WDR47: variants seen among roughly 807,000 people sequenced by gnomAD.
The protein encoded by WDR47 is WD repeat domain 47.
WDR47 carries 32 observed loss-of-function variants against 97.2 expected under a neutral mutation model. That is an observed-to-expected ratio of 0.33 (90% CI 0.25 to 0.44). The LOEUF (loss-of-function observed/expected upper bound fraction) is 0.44, where lower values mean the gene tolerates loss of function less well. Ranked by LOEUF, WDR47 falls within the 20% of genes least tolerant of loss-of-function variation. WDR47 has a pLI of 1.00. For missense variants in WDR47, 782 were observed against 1,102.3 expected (o/e 0.71, Z 4.11); for synonymous variants, 375 against 373.5 (o/e 1.00, Z -0.05).
chr1:109,000,754 T>C (rs573528815), intron 7 of WDR47, among the ~76,000 whole-genome samples: 1 of 152,128 alleles, frequency 6.6e-6, no homozygotes, highest in South Asian at 2.1e-4. Flanking sequence ...ACAGGATCAA[T>C]TTCAGGCTCA....
intron 1 of WDR47, among the ~76,000 whole-genome samples, chr1:109,041,056 G>T (rs1383023182): frequency 2.0e-5 from 3 of 149,932 alleles, no homozygotes; most frequent in African/African-American, 7.3e-5. Flanking sequence ...GTTACTAACT[G>T]CACGTCTGGG....
chr1:109,011,836 G>A (rs1661055058), intron 4 of WDR47, 118 bp from the exon 5 acceptor site: 1 of 946,958 alleles, frequency 1.1e-6, no homozygotes. Flanking sequence ...ATAATTTGTA[G>A]GATATGCAAC....
chr1:109,018,578 G>A (rs981961697), intron 2 of WDR47, among the ~76,000 whole-genome samples: 18 of 152,120 alleles, frequency 1.2e-4, no homozygotes, highest in African/African-American at 4.3e-4. Context: ...ACTTTAGGAA[G>A]CTAAGGTAAG....
intron 3 of WDR47, among the ~76,000 whole-genome samples, chr1:109,015,734 T>A (rs1661366167): frequency 6.7e-6 from 1 of 148,972 alleles, no homozygotes; most frequent in Admixed American, 6.7e-5. Context: ...AAGCCTGTAA[T>A]CCCAGCACTT....
chr1:108,976,861 AAAGT>A (rs1447691087), intron 13 of WDR47, among the ~76,000 whole-genome samples: 1 of 152,194 alleles, frequency 6.6e-6, no homozygotes, highest in African/African-American at 2.4e-5. Context: ...TGAAAAGAAA[AAAGT>A]AAGTGATCTG....
chr1:109,007,349 C>A (rs1660704855), intron 5 of WDR47, among the ~76,000 whole-genome samples: 1 of 150,732 alleles, frequency 6.6e-6, no homozygotes, highest in South Asian at 2.1e-4. Context: ...TAAATAGAGA[C>A]AGGGTCTCAC....
Position 108,971,063 on chromosome 1 carries a change from AT to A in WDR47, c.*366del, listed in dbSNP as rs1657415071. On this transcript the variant is annotated 3_prime_UTR_variant, in exon 15 of 15. Coordinates refer to ENST00000369962, the MANE Select transcript of WDR47 (RefSeq NM_001142551.2). ...CATTTAATAATATAGTTGAAGTATA[AT>A]TCCATTTCAATGTGCATATAAAACT... 1 of 169,966 alleles carries A rather than the reference AT, an allele frequency of 5.9e-6. No individual in the cohort carries two copies. Among genetic ancestry groups the A allele is most frequent in the Non-Finnish European group, 1.3e-5 (1 of 79,340 alleles). 10.5% of individuals were successfully genotyped at this position (169,966 alleles called of 1,614,324 possible).
intron 2 of WDR47, among the ~76,000 whole-genome samples, chr1:109,019,657 G>A (rs1353972105): frequency 6.6e-6 from 1 of 152,168 alleles, no homozygotes; most frequent in Non-Finnish European, 1.5e-5. Flanking sequence ...TGGCCCAGAT[G>A]CTAGCAGTGC....
chr1:109,017,627 G>A lies in WDR47; in HGVS notation c.159-26C>T, dbSNP rs201808429. ...CTAAATAAAAAATTTAAAAAAACCA[G>A]CATGTCACCAAATTCAGGTTATACT... On this transcript the variant is annotated intron_variant, in intron 2 of 14. Transcript: ENST00000369962. 1.9e-6 allele frequency: 3 copies of A among 1,579,904 alleles called. No individual in the cohort carries two copies. In the East Asian group the frequency reaches 6.7e-5, roughly 35 times the overall value.
At chr1:109,040,492 T>C (rs991099313) in intron 1 of WDR47, among the ~76,000 whole-genome samples, 1 of 147,552 alleles carries the variant, frequency 6.8e-6, no homozygotes. Context: ...CAGTGGGAGA[T>C]AAACACAGGT....
intron 5 of WDR47, among the ~76,000 whole-genome samples, chr1:109,009,350 C>T (rs1660866551): frequency 6.6e-6 from 1 of 152,070 alleles, no homozygotes; most frequent in South Asian, 2.1e-4. Context: ...AACTGTTGAT[C>T]AGGAGTTTAT....
rs1303440920 is a variant in WDR47, at chr1:109,002,136, CA to C, written c.1433+87del. 2.2e-6 allele frequency: 3 copies of C among 1,391,294 alleles called. No individual in the cohort carries two copies. The Admixed American group carries it at 7.5e-5, about 35-fold the overall frequency. The allele number at this position is 1,391,294 out of a possible 1,614,324, so 86.2% of individuals were successfully genotyped here. Reference sequence around the variant, plus strand: ...AAATGCGTAAAAAGCCTTAAAATGTCAAACTATACATAGAAAGTAGCAGTTA... The same window carrying C: ...AAATGCGTAAAAAGCCTTAAAATGTCAACTATACATAGAAAGTAGCAGTTA... On this transcript the variant is annotated intron_variant, in intron 7 of 14. Coordinates refer to ENST00000369962, the MANE Select transcript of WDR47 (RefSeq NM_001142551.2).
chr1:108,981,855 A>G lies in WDR47; in HGVS notation c.2276T>C (p.Leu759Ser), dbSNP rs1658368323. 6.2e-7 allele frequency: 1 copy of G among 1,612,642 alleles called. No homozygotes were observed. Among genetic ancestry groups the G allele is most frequent in the Non-Finnish European group, 8.5e-7 (1 of 1,179,352 alleles). ...HALSGHTGHI[L>S]ALYTWSGWMI... ...CCAGCCACTCCAGGTATAAAGTGCT[A>G]AAATATGCCCTATAAAAGATCATAT... The change falls in exon 13 of 15, where the codon TTA (leucine) becomes TCA (serine). Residue 759 changes from leucine to serine, a missense_variant. By Grantham distance (145) the Leu-to-Ser change is moderately radical (BLOSUM62 -2). Transcript: ENST00000369962.
intron 7 of WDR47, among the ~76,000 whole-genome samples, chr1:108,997,625 T>TG (rs1447542850): frequency 6.7e-6 from 1 of 149,894 alleles, no homozygotes; most frequent in African/African-American, 2.5e-5. Flanking sequence ...CCAGGCGTGG[T>TG]GGTGGGCGCC....
intron 6 of WDR47, among the ~76,000 whole-genome samples, chr1:109,003,881 A>G (rs1660386351): frequency 6.6e-6 from 1 of 152,184 alleles, no homozygotes; most frequent in Admixed American, 6.6e-5. Context: ...AGAACCCTGG[A>G]TTTGGATAAA....
intron 2 of WDR47, among the ~76,000 whole-genome samples, chr1:109,019,700 TTCTATGTGAAA>T (rs1661681659): frequency 6.6e-6 from 1 of 152,026 alleles, no homozygotes; most frequent in South Asian, 2.1e-4. Flanking sequence ...ACATTGTGAA[TTCTATGTGAAA>T]TCTACAGCTT....
At chr1:108,983,571 TA>T (rs1658515516) in intron 10 of WDR47, 120 bp from the exon 11 acceptor site, 1 of 803,614 alleles carries the variant, frequency 1.2e-6, no homozygotes, top group Non-Finnish European at 1.7e-6. Flanking sequence ...AACAGCTTAT[TA>T]ATAGTTTTCA....
chr1:108,982,694 T>C lies in WDR47; in HGVS notation c.2181A>G (p.Leu727=). ...MEGPESGGAI[L]ISAGAGDCNI... Reference sequence around the variant, plus strand: ...TACAATCCCCTGCTCCAGCACTTATTAAAATAGCTCCTCCGCTTTCTGGGC... The same window carrying C: ...TACAATCCCCTGCTCCAGCACTTATCAAAATAGCTCCTCCGCTTTCTGGGC... The change falls in exon 12 of 15, where the codon TTA becomes TTG. Residue 727 remains leucine (L), a synonymous_variant. Transcript: ENST00000369962. 1.9e-6 allele frequency: 3 copies of C among 1,614,156 alleles called. No individual in the cohort carries two copies. The highest frequency in any genetic ancestry group is 2.5e-6 in the Non-Finnish European group (3 of 1,180,016).
chr1:109,022,144 A>G (rs1226782308), intron 2 of WDR47, among the ~76,000 whole-genome samples: 1 of 152,202 alleles, frequency 6.6e-6, no homozygotes, highest in Non-Finnish European at 1.5e-5. Flanking sequence ...CACCATGCCC[A>G]GCCTGAAAAT....
Sources: gnomAD v4.1 joint callset for allele counts (sites outside exome capture counted in the v4.1 genomes callset) on GRCh38, gnomAD v4.1.1 for gene constraint, MANE v1.5 for transcripts, NCBI Gene and HGNC (gene_info 2026-07-23, HGNC 2026-07-21) for gene names.